Variants in MRE11 observed in about 807,000 individuals in gnomAD.
The protein encoded by MRE11 is MRE11 double strand break repair nuclease, also known as double-strand break repair protein MRE11.
MRE11 carries 62 observed loss-of-function variants against 91.7 expected under a neutral mutation model. That is an observed-to-expected ratio of 0.68 (90% confidence interval 0.55 to 0.84). The LOEUF (loss-of-function observed/expected upper bound fraction) is 0.84, where lower values mean the gene tolerates loss of function less well. MRE11 is among the 40% of genes least tolerant of loss of function. The probability of loss-of-function intolerance (pLI) is 0.00; values close to 1 mark genes in which losing one functional copy is unlikely to be tolerated. For synonymous variants in MRE11, 273 were observed against 271.4 expected (o/e 1.01, Z -0.06); for missense variants, 796 against 852.9 (o/e 0.93, Z 0.83).
rs1246065810 is a variant in MRE11, at chr11:94,416,763, C to A, written c.*3362G>T. On this transcript the variant is annotated 3_prime_UTR_variant, in exon 20 of 20. Coordinates refer to ENST00000323929, the MANE Select transcript of MRE11 (RefSeq NM_005591.4). ...GTCCCAGCTACTTGGGAGGCTGAGG[C>A]AGGAGAATGGCGTGGAGCTTGCAGT... 3 of 148,306 alleles carry A rather than the reference C, an allele frequency of 2.0e-5. No individual in the cohort carries two copies. The highest frequency in any genetic ancestry group is 7.4e-5 in the African/African-American group (3 of 40,344). 9.2% of individuals were successfully genotyped at this position (148,306 alleles called of 1,614,324 possible).
intron 3 of MRE11, among the ~76,000 whole-genome samples, chr11:94,489,781 A>AT (rs1947238468): frequency 6.6e-6 from 1 of 152,068 alleles, no homozygotes; most frequent in African/African-American, 2.4e-5. Context: ...GCCTGCTGAA[A>AT]TTTTTCCCTG....
At chr11:94,480,552 A>G (rs1946986479) in intron 4 of MRE11, among the ~76,000 whole-genome samples, 1 of 152,248 alleles carries the variant, frequency 6.6e-6, no homozygotes, top group East Asian at 1.9e-4. Flanking sequence ...AATCTTCTAC[A>G]GCGAGTAATC....
chr11:94,499,990 A>G, the MRE11 span, among the ~76,000 whole-genome samples: 1 of 152,174 alleles, frequency 6.6e-6, no homozygotes, highest in Non-Finnish European at 1.5e-5. Context: ...CAGGATCTTG[A>G]GAGTTAGTGC....
chr11:94,461,460 G>A (rs962613103), intron 11 of MRE11, among the ~76,000 whole-genome samples: 3 of 152,160 alleles, frequency 2.0e-5, no homozygotes, highest in Non-Finnish European at 2.9e-5. Context: ...CGGTATTGAT[G>A]GAACATATCT....
rs777751367 is a variant in MRE11 at position 94,492,796 on chromosome 11, A to G, written c.6T>C (p.Ser2=). The part of the protein sequence containing the change: M[S]TADALDDENT... ...CAGGTGCTTACAGTGCATCTGCAGT[A>G]CTCATTTTTATGGTCAGTCAAGCTC... is the stretch of plus-strand genomic sequence containing the variant. Residue 2 remains serine, a synonymous_variant, in exon 2 of 20, where the codon AGT becomes AGC. Coordinates refer to ENST00000323929, the MANE Select transcript of MRE11 (RefSeq NM_005591.4). The G allele has an allele frequency of 5.0e-6, 8 of 1,613,840 alleles. No homozygotes were observed. The highest frequency in any genetic ancestry group is 6.8e-6 in the Non-Finnish European group (8 of 1,179,914).
upstream of MRE11, chr11:94,496,836 A>G (rs1947423921): frequency 1.9e-6 from 3 of 1,613,922 alleles, no homozygotes; most frequent in South Asian, 2.2e-5. Context: ...TGGGTAGGCA[A>G]TTCTGATGAA....
At chr11:94,488,936 CTAAAA>C (rs1947213949) in intron 3 of MRE11, among the ~76,000 whole-genome samples, 3 of 151,968 alleles carry the variant, frequency 2.0e-5, no homozygotes, top group East Asian at 1.9e-4. Context: ...ACCCCTGAAC[CTAAAA>C]TAAAAGAAAG....
intron 3 of MRE11, 51 bp downstream of exon 3, chr11:94,490,782 T>C (rs1337050508): frequency 1.2e-6 from 2 of 1,602,064 alleles, no homozygotes; most frequent in Non-Finnish European, 1.7e-6. Context: ...AAAAATAACT[T>C]GTTAACCAAG....
At chr11:94,467,925 G>C (rs370266830) in intron 9 of MRE11, 32 bp from the exon 10 acceptor site, 1 of 1,564,960 alleles carries the variant, frequency 6.4e-7, no homozygotes, top group South Asian at 1.1e-5. Context: ...AAAAAACAAC[G>C]TAGTAAACTG....
At chr11:94,446,708 G>C (rs1327143374) in intron 15 of MRE11, among the ~76,000 whole-genome samples, 1 of 152,186 alleles carries the variant, frequency 6.6e-6, no homozygotes, top group African/African-American at 2.4e-5. Context: ...TGTTGACTAT[G>C]TTAATGACTA....
At chr11:94,455,402 C>A (rs1946224115) in intron 14 of MRE11, among the ~76,000 whole-genome samples, 2 of 152,050 alleles carry the variant, frequency 1.3e-5, no homozygotes, top group Non-Finnish European at 2.9e-5. Flanking sequence ...GAATATCTAA[C>A]CCATAACAGG....
At chr11:94,492,996 CTTAA>C (rs1486910164) in intron 1 of MRE11, 90 bp from the exon 2 acceptor site, 4 of 578,040 alleles carry the variant, frequency 6.9e-6, no homozygotes, top group Admixed American at 6.3e-5. Context: ...GTACAGACGT[CTTAA>C]TTAGACTGGC....
intron 14 of MRE11, among the ~76,000 whole-genome samples, chr11:94,453,779 C>CAA (rs1946176078): frequency 1.3e-5 from 2 of 152,068 alleles, no homozygotes; most frequent in African/African-American, 4.8e-5. Flanking sequence ...CACTTCTTCA[C>CAA]TATTGATAGT....
chr11:94,419,279 A>C lies in MRE11; in HGVS notation c.*846T>G, dbSNP rs1945100240. On this transcript the variant is annotated 3_prime_UTR_variant, in exon 20 of 20. Coordinates refer to ENST00000323929, the MANE Select transcript of MRE11 (RefSeq NM_005591.4). Reference sequence around the variant, plus strand: ...ATCCTGGCATTGACATTCCACATTAAATATATTTCTATACTTTACTGTAAG... The same window carrying C: ...ATCCTGGCATTGACATTCCACATTACATATATTTCTATACTTTACTGTAAG... The C allele has an allele frequency of 4.3e-6, 1 of 232,894 alleles. No homozygotes were observed. The highest frequency in any genetic ancestry group is 5.6e-5 in the Admixed American group (1 of 17,778). The allele number at this position is 232,894 out of a possible 1,614,324, so 14.4% of individuals were successfully genotyped here.
At chr11:94,495,245 T>A (rs473297), upstream of MRE11, among the ~76,000 whole-genome samples, 1 of 151,914 alleles carries the variant, frequency 6.6e-6, no homozygotes, top group East Asian at 1.9e-4. Context: ...TATCTTGGGG[T>A]TATGCCTAAC....
chr11:94,512,224 T>C, the MRE11 span, among the ~76,000 whole-genome samples: 1 of 152,218 alleles, frequency 6.6e-6, no homozygotes. Context: ...TCCTTCGCTT[T>C]TTCTGAATCT....
intron 4 of MRE11, 101 bp from the exon 5 acceptor site, chr11:94,479,862 A>T (rs1478897062): frequency 5.8e-6 from 5 of 857,910 alleles, no homozygotes; most frequent in Non-Finnish European, 9.5e-6. Flanking sequence ...CAAACTGCAT[A>T]ATCTACATTG....
At chr11:94,503,070 G>T in the MRE11 span, among the ~76,000 whole-genome samples, 1 of 152,084 alleles carries the variant, frequency 6.6e-6, no homozygotes, top group South Asian at 2.1e-4. Flanking sequence ...CATGAGATCT[G>T]CCCTGTTAAA....
intron 4 of MRE11, among the ~76,000 whole-genome samples, chr11:94,480,647 A>G (rs1025403864): frequency 1.3e-5 from 2 of 152,192 alleles, no homozygotes; most frequent in African/African-American, 4.8e-5. Context: ...TAATTTTGAT[A>G]GGTGCTGCCA....
Sources: allele counts gnomAD v4.1 joint callset (sites outside exome capture counted in the v4.1 genomes callset), GRCh38; gene constraint gnomAD v4.1.1; transcripts MANE v1.5; gene names NCBI Gene and HGNC (gene_info 2026-07-23, HGNC 2026-07-21).